The following CSMD3 variants were observed in gnomAD, a reference collection of about 807,000 sequenced individuals.
The protein encoded by CSMD3 is CUB and Sushi multiple domains 3.
CSMD3 carries 177 observed loss-of-function variants against 435.2 expected under a neutral mutation model. That is an observed-to-expected ratio of 0.41 (90% CI 0.36 to 0.46). The LOEUF (loss-of-function observed/expected upper bound fraction) is 0.46. CSMD3 is among the 20% of genes least tolerant of loss of function. The pLI is 0.34. For missense variants in CSMD3, 4,265 were observed against 4,504.6 expected (o/e 0.95, Z 1.52); for synonymous variants, 1,656 against 1,520.5 (o/e 1.09, Z -2.07).
chr8:113,253,775 GT>G (rs1398346191), intron 3 of CSMD3, among the ~76,000 whole-genome samples: 16 of 151,618 alleles, frequency 1.1e-4, no homozygotes, highest in African/African-American at 3.9e-4. Context: ...GGAGTTGGAG[GT>G]TGCAGTGACC....
chr8:112,586,341 A>AT (rs1311674246), intron 23 of CSMD3, among the ~76,000 whole-genome samples: 4 of 151,490 alleles, frequency 2.6e-5, no homozygotes, highest in Non-Finnish European at 4.4e-5. Context: ...TTTAAATGTG[A>AT]TTTTTGGAAG....
At chr8:113,068,581 C>A (rs1287216544) in intron 5 of CSMD3, among the ~76,000 whole-genome samples, 1 of 152,138 alleles carries the variant, frequency 6.6e-6, no homozygotes, top group South Asian at 2.1e-4. Flanking sequence ...GAAATGTCAA[C>A]TGGCAACCTT....
At chr8:112,302,006 G>T in intron 52 of CSMD3, 40 bp from the exon 53 acceptor site, 1 of 1,370,242 alleles carries the variant, frequency 7.3e-7, no homozygotes, top group Non-Finnish European at 1.0e-6. Context: ...TAAAGATATA[G>T]TCAAGCTGCA....
chr8:112,730,405 A>G (rs545995773), intron 13 of CSMD3, among the ~76,000 whole-genome samples: 1 of 152,268 alleles, frequency 6.6e-6, no homozygotes, highest in Non-Finnish European at 1.5e-5. Context: ...TCAAGCTAGC[A>G]TGATGGAAAA....
intron 17 of CSMD3, among the ~76,000 whole-genome samples, chr8:112,664,020 G>A (rs551645599): frequency 5.9e-5 from 9 of 152,104 alleles, no homozygotes; most frequent in Admixed American, 1.3e-4. Flanking sequence ...GAATATTGAA[G>A]GATAATGACT....
intron 2 of CSMD3, among the ~76,000 whole-genome samples, chr8:113,285,200 A>C (rs2093637275): frequency 6.6e-6 from 1 of 151,882 alleles, no homozygotes; most frequent in Non-Finnish European, 1.5e-5. Context: ...ATTATTATGA[A>C]GTCATTGAAT....
intron 5 of CSMD3, among the ~76,000 whole-genome samples, chr8:113,090,296 A>G (rs1564302792): frequency 6.6e-6 from 1 of 152,158 alleles, no homozygotes; most frequent in Non-Finnish European, 1.5e-5. Flanking sequence ...GCCTAAATCA[A>G]GAAATTATAT....
At chr8:113,322,673 G>A (rs2093957163) in intron 1 of CSMD3, among the ~76,000 whole-genome samples, 1 of 152,026 alleles carries the variant, frequency 6.6e-6, no homozygotes, top group Non-Finnish European at 1.5e-5. Flanking sequence ...AGATAAATTG[G>A]GGAGAGCTAA....
rs2131022953 is a variant in CSMD3, at chr8:112,346,129, C to A, written c.6410G>T (p.Cys2137Phe). 6.2e-7 allele frequency: 1 copy of A among 1,609,810 alleles called. No individual in the cohort carries two copies. The highest frequency in any genetic ancestry group is 1.1e-5 in the South Asian group (1 of 90,988). ...FPGNYPSSLD[C>F]TWTINLPIGF... is the part of the protein sequence containing the mutation. Reference sequence around the variant, plus strand: ...TATGGGTAGATTTATTGTCCATGTGCAATCTAAACTGCTGGGATAGTTTCC... The same window carrying A: ...TATGGGTAGATTTATTGTCCATGTGAAATCTAAACTGCTGGGATAGTTTCC... Residue 2137 changes from cysteine (C) to phenylalanine (F), a missense_variant, in exon 41 of 71, where the codon TGC becomes TTC. Cys to Phe is a radical substitution (Grantham distance 205). Transcript: ENST00000297405.
At chr8:113,240,275 G>C (rs2093199199) in intron 3 of CSMD3, among the ~76,000 whole-genome samples, 1 of 152,122 alleles carries the variant, frequency 6.6e-6, no homozygotes, top group Non-Finnish European at 1.5e-5. Flanking sequence ...CATTTAGGTT[G>C]ATTCCATGTC....
chr8:112,451,099 T>C (rs1342145685), intron 32 of CSMD3, among the ~76,000 whole-genome samples: 1 of 152,150 alleles, frequency 6.6e-6, no homozygotes, highest in Non-Finnish European at 1.5e-5. Context: ...AAATATTTGA[T>C]AGCAAACAAA....
At chr8:112,845,402 T>C (rs916268574) in intron 11 of CSMD3, among the ~76,000 whole-genome samples, 2 of 151,932 alleles carry the variant, frequency 1.3e-5, no homozygotes. Flanking sequence ...AGGTAAAAGA[T>C]TACCTGAGTC....
At chr8:113,078,990 A>T (rs1355193719) in intron 5 of CSMD3, among the ~76,000 whole-genome samples, 2 of 151,808 alleles carry the variant, frequency 1.3e-5, no homozygotes, top group African/African-American at 2.4e-5. Flanking sequence ...ACACCTGTTT[A>T]AAAAAAAGAT....
intron 32 of CSMD3, among the ~76,000 whole-genome samples, chr8:112,413,054 G>A (rs530537951): frequency 1.3e-4 from 20 of 151,994 alleles, no homozygotes; most frequent in African/African-American, 2.9e-4. Flanking sequence ...TGGAGTTCTC[G>A]ACCACATTTT....
intron 20 of CSMD3, chr8:112,643,510 G>A (rs780610756): frequency 1.2e-5 from 2 of 170,176 alleles, no homozygotes; most frequent in Non-Finnish European, 2.9e-5. Flanking sequence ...TGTAAATACA[G>A]ATTTAATTAA....
chr8:112,880,268 ATAGT>A (rs1454152306), intron 10 of CSMD3, among the ~76,000 whole-genome samples: 3 of 152,078 alleles, frequency 2.0e-5, no homozygotes, highest in African/African-American at 7.2e-5. Context: ...ATTTTTGGAG[ATAGT>A]TATTCAACAC....
chr8:112,886,437 CTGTTATCT>C (rs2081601666), intron 10 of CSMD3, among the ~76,000 whole-genome samples: 1 of 150,788 alleles, frequency 6.6e-6, no homozygotes, highest in African/African-American at 2.4e-5. Context: ...AAATATGTTC[CTGTTATCT>C]TGTGTCGTAG....
intron 38 of CSMD3, among the ~76,000 whole-genome samples, chr8:112,365,006 T>G (rs1436102571): frequency 6.6e-6 from 1 of 152,246 alleles, no homozygotes; most frequent in East Asian, 1.9e-4. Context: ...TATATGTTCC[T>G]AATACAAGTA....
chr8:113,016,891 T>C (rs912153055), intron 6 of CSMD3, among the ~76,000 whole-genome samples: 2 of 151,966 alleles, frequency 1.3e-5, no homozygotes, highest in African/African-American at 4.8e-5. Flanking sequence ...TTCTTCATTA[T>C]GATTTCAAGA....
Sources: gnomAD v4.1 joint callset for allele counts (sites outside exome capture counted in the v4.1 genomes callset) on GRCh38, gnomAD v4.1.1 for gene constraint, MANE v1.5 for transcripts, NCBI Gene and HGNC (gene_info 2026-07-23, HGNC 2026-07-21) for gene names.